The following AUTS2 variants were observed in gnomAD, a reference collection of about 807,000 sequenced individuals.
The protein encoded by AUTS2 is autism susceptibility gene 2 protein.
In AUTS2, 17 loss-of-function variants were observed where a neutral mutation model predicts 112.4. The ratio of observed to expected loss-of-function variants is 0.15; its 90% CI spans 0.10 to 0.23. AUTS2 has a LOEUF of 0.23. Among genes scored for constraint, AUTS2 ranks in the 10% least tolerant of loss-of-function variants. The pLI, the probability that AUTS2 is intolerant of heterozygous loss-of-function variation, is 1.00. For missense variants in AUTS2, 1,510 were observed against 1,701.6 expected, an observed-to-expected ratio of 0.89 and a Z score of 1.98; for synonymous variants, 751 against 702.7, an observed-to-expected ratio of 1.07 and a Z score of -1.09.
chr7:69,785,832 G>A (rs1250836029), intron 1 of AUTS2, among the ~76,000 whole-genome samples: 2 of 152,018 alleles, frequency 1.3e-5, no homozygotes, highest in African/African-American at 4.8e-5. Context: ...TGGTTTTTTT[G>A]TTGTTGTTTG....
chr7:70,719,057 G>A (rs1810528365), intron 6 of AUTS2, among the ~76,000 whole-genome samples: 1 of 152,132 alleles, frequency 6.6e-6, no homozygotes, highest in Non-Finnish European at 1.5e-5. Flanking sequence ...TATGAGATGA[G>A]CTTTGTTCTG....
intron 2 of AUTS2, among the ~76,000 whole-genome samples, chr7:70,043,594 TTCCTTCCTTCC>T (rs1230189649): frequency 0.036 from 3,826 of 105,888 alleles, 197 homozygotes; most frequent in African/African-American, 0.11. Context: ...CCTTCCTTCC[TTCCTTCCTTCC>T]TTTTTTTTTT....
chr7:70,424,255 T>G (rs1486241295), intron 4 of AUTS2, among the ~76,000 whole-genome samples: 1 of 152,158 alleles, frequency 6.6e-6, no homozygotes, highest in Non-Finnish European at 1.5e-5. Context: ...CTGTCTTCTG[T>G]GGAGCAGAAA....
At chr7:69,619,454 C>G (rs868406530) in intron 1 of AUTS2, among the ~76,000 whole-genome samples, 1 of 152,130 alleles carries the variant, frequency 6.6e-6, no homozygotes, top group African/African-American at 2.4e-5. Context: ...CAGGAAGGCT[C>G]TGAGCTGTGG....
intron 6 of AUTS2, among the ~76,000 whole-genome samples, chr7:70,720,258 T>C (rs1014252394): frequency 6.6e-6 from 1 of 152,082 alleles, no homozygotes; most frequent in Non-Finnish European, 1.5e-5. Flanking sequence ...GCTGAACTTA[T>C]TTTGTTTGCT....
At chr7:69,982,746 G>C (rs935581075) in intron 2 of AUTS2, among the ~76,000 whole-genome samples, 3 of 152,198 alleles carry the variant, frequency 2.0e-5, no homozygotes, top group African/African-American at 7.2e-5. Flanking sequence ...ACTCAGGTGT[G>C]TTACTCTTGG....
At chr7:69,851,315 T>G (rs1434747643) in intron 1 of AUTS2, among the ~76,000 whole-genome samples, 1 of 152,234 alleles carries the variant, frequency 6.6e-6, no homozygotes, top group Non-Finnish European at 1.5e-5. Flanking sequence ...TGTTAATAGT[T>G]TCAGGTATTC....
chr7:70,773,650 T>C (rs1345032136), intron 11 of AUTS2, among the ~76,000 whole-genome samples: 1 of 152,268 alleles, frequency 6.6e-6, no homozygotes, highest in Non-Finnish European at 1.5e-5. Context: ...TAATGTTCAC[T>C]TAAGCGTTTC....
At chr7:70,530,746 G>A (rs898360885) in intron 5 of AUTS2, among the ~76,000 whole-genome samples, 4 of 152,112 alleles carry the variant, frequency 2.6e-5, no homozygotes, top group Admixed American at 1.3e-4. Flanking sequence ...TCTGGGTTTA[G>A]TGGGACTGCT....
At position 69,805,409 on chromosome 7, in the gene AUTS2, C is replaced by CT. The variant is rs568621209; in HGVS notation, c.310-93869dup. ...GAGACAAATAATACGCAGAGGCAGA[C>CT]TTTTTTTTACATTTGTTGCTCAGAA... is the stretch of plus-strand genomic sequence containing the variant. On this transcript the variant is annotated intron_variant, in intron 1 of 18. Transcript: ENST00000342771. Among the ~76,000 whole-genome samples, 26 of 151,956 alleles carry CT rather than the reference C, an allele frequency of 1.7e-4. No individual in the cohort carries two copies. In the South Asian group the frequency reaches 2.3e-3, roughly 13 times the overall value.
At chr7:70,454,042 T>C (rs1473721355) in intron 5 of AUTS2, among the ~76,000 whole-genome samples, 1 of 152,110 alleles carries the variant, frequency 6.6e-6, no homozygotes, top group East Asian at 1.9e-4. Context: ...CCCATCATGA[T>C]TGTCCCCTGT....
chr7:70,168,483 T>G (rs1808499835), intron 4 of AUTS2, among the ~76,000 whole-genome samples: 1 of 152,090 alleles, frequency 6.6e-6, no homozygotes, highest in African/African-American at 2.4e-5. Flanking sequence ...ACCTGGCTAA[T>G]TTTTGTATTT....
intron 1 of AUTS2, among the ~76,000 whole-genome samples, chr7:69,719,822 A>C (rs570126536): frequency 1.4e-3 from 207 of 152,126 alleles, no homozygotes; most frequent in African/African-American, 4.9e-3. Context: ...TCATAGGGGG[A>C]AGGAATATGG....
intron 1 of AUTS2, among the ~76,000 whole-genome samples, chr7:69,886,761 CTT>C (rs1554398763): frequency 4.4e-5 from 5 of 114,712 alleles, no homozygotes; most frequent in African/African-American, 9.4e-5. Context: ...GATTTGACTT[CTT>C]TGTGTGTGTG....
intron 2 of AUTS2, among the ~76,000 whole-genome samples, chr7:70,092,766 G>A (rs953747488): frequency 1.3e-5 from 2 of 152,128 alleles, no homozygotes; most frequent in African/African-American, 2.4e-5. Flanking sequence ...GCACAGCTGC[G>A]GTTTTGGATG....
chr7:70,654,835 A>G (rs1038418653), intron 5 of AUTS2, among the ~76,000 whole-genome samples: 5 of 152,166 alleles, frequency 3.3e-5, no homozygotes, highest in South Asian at 2.1e-4. Context: ...TTTAGGCTCT[A>G]CTTTCCTGCT....
chr7:70,578,240 T>C (rs1279039472), intron 5 of AUTS2, among the ~76,000 whole-genome samples: 9 of 152,356 alleles, frequency 5.9e-5, no homozygotes, highest in African/African-American at 1.9e-4. Context: ...GATCATCTAG[T>C]CTAGAGATGG....
Position 69,784,425 on chromosome 7 carries a change from G to A in AUTS2, c.310-114861G>A, listed in dbSNP as rs151182159. 2.5e-3 allele frequency among the ~76,000 whole-genome samples: 374 copies of A among 152,308 alleles called. 2 individuals carry two copies. Among genetic ancestry groups the A allele is most frequent in the African/African-American group, 8.5e-3 (352 of 41,560 alleles). ...TCCAACCTTCTGGTTTGTTTTGCCC[G>A]TCTGCCATTTGCCTTTTCCTTGTTG... On this transcript the variant is annotated intron_variant, in intron 1 of 18. Coordinates refer to ENST00000342771, the MANE Select transcript of AUTS2 (RefSeq NM_015570.4).
chr7:69,824,393 C>T (rs1239039787), intron 1 of AUTS2, among the ~76,000 whole-genome samples: 2 of 150,406 alleles, frequency 1.3e-5, no homozygotes, highest in African/African-American at 2.5e-5. Flanking sequence ...TGGGTGACAG[C>T]GCGAGATTCT....
Sources: allele counts gnomAD v4.1 joint callset (sites outside exome capture counted in the v4.1 genomes callset), GRCh38; gene constraint gnomAD v4.1.1; transcripts MANE v1.5; gene names NCBI Gene and HGNC (gene_info 2026-07-23, HGNC 2026-07-21).